Variants in ACBD6 observed in about 807,000 individuals in gnomAD.
The protein encoded by ACBD6 is acyl-CoA binding domain containing 6, also known as acyl-CoA-binding domain-containing protein 6.
In ACBD6, 28 loss-of-function variants were observed where a neutral mutation model predicts 37.2. The ratio of observed to expected loss-of-function variants is 0.75; its 90% CI spans 0.56 to 1.03. The LOEUF (loss-of-function observed/expected upper bound fraction) is 1.03. Among genes scored for constraint, ACBD6 ranks in the 50% least tolerant of loss-of-function variants. The pLI is 0.00. For missense variants in ACBD6, 340 were observed against 337.4 expected (o/e 1.01, Z -0.06); for synonymous variants, 113 against 126.8 (o/e 0.89, Z 0.73).
intron 3 of ACBD6, among the ~76,000 whole-genome samples, chr1:180,480,956 G>A (rs1313826503): frequency 2.0e-5 from 3 of 151,880 alleles, no homozygotes; most frequent in East Asian, 1.9e-4. Context: ...GCTGGAACCC[G>A]GGAGGCAGAG....
intron 3 of ACBD6, among the ~76,000 whole-genome samples, chr1:180,474,884 A>G (rs754044958): frequency 1.3e-5 from 2 of 152,226 alleles, no homozygotes; most frequent in South Asian, 4.1e-4. Context: ...TTGTCTCCCT[A>G]TAATTTACTG....
intron 7 of ACBD6, among the ~76,000 whole-genome samples, chr1:180,293,339 C>T (rs1649791154): frequency 6.7e-6 from 1 of 149,280 alleles, no homozygotes; most frequent in Non-Finnish European, 1.5e-5. Flanking sequence ...CACTCTGTTG[C>T]CCAGGCTGGA....
chr1:180,488,670 G>A (rs930464982), intron 3 of ACBD6, among the ~76,000 whole-genome samples: 4 of 152,070 alleles, frequency 2.6e-5, no homozygotes, highest in South Asian at 2.1e-4. Context: ...GAACTCCTAC[G>A]TTCAATGGAT....
intron 6 of ACBD6, among the ~76,000 whole-genome samples, chr1:180,346,899 C>A (rs1266964263): frequency 6.6e-6 from 1 of 151,990 alleles, no homozygotes; most frequent in Non-Finnish European, 1.5e-5. Flanking sequence ...ACCTGTAGTC[C>A]CAGCTACCTG....
intron 6 of ACBD6, among the ~76,000 whole-genome samples, chr1:180,336,883 T>C (rs991540669): frequency 2.9e-4 from 44 of 152,026 alleles, no homozygotes; most frequent in East Asian, 1.2e-3. Flanking sequence ...AACACCTCTA[T>C]GCAAATAAAC....
chr1:180,325,582 T>A (rs1283409288), intron 6 of ACBD6, among the ~76,000 whole-genome samples: 1 of 152,084 alleles, frequency 6.6e-6, no homozygotes, highest in Non-Finnish European at 1.5e-5. Flanking sequence ...TCTTATTTAG[T>A]TTGGTGAGGT....
chr1:180,434,832 C>T, intron 3 of ACBD6: 1 of 734,108 alleles, frequency 1.4e-6, no homozygotes, highest in Admixed American at 1.8e-5. Context: ...CCAATCTTGG[C>T]AAATCTGCCA....
intron 6 of ACBD6, among the ~76,000 whole-genome samples, chr1:180,316,546 C>A (rs115309284): frequency 6.6e-6 from 1 of 152,264 alleles, no homozygotes. Flanking sequence ...ACTATTTGTG[C>A]ATAACTTTCA....
chr1:180,385,936 G>A (rs538787335), intron 6 of ACBD6, among the ~76,000 whole-genome samples: 5 of 152,282 alleles, frequency 3.3e-5, no homozygotes, highest in African/African-American at 9.6e-5. Flanking sequence ...TTGGGAGGCC[G>A]AGGCGGGTGG....
chr1:180,347,870 C>G (rs1299363002), intron 6 of ACBD6, among the ~76,000 whole-genome samples: 1 of 151,702 alleles, frequency 6.6e-6, no homozygotes, highest in East Asian at 1.9e-4. Flanking sequence ...GAGGCTGAGG[C>G]AGGAGAATGG....
intron 4 of ACBD6, among the ~76,000 whole-genome samples, chr1:180,423,688 C>T (rs1263570405): frequency 6.6e-6 from 1 of 152,098 alleles, no homozygotes; most frequent in Non-Finnish European, 1.5e-5. Flanking sequence ...CTTATAAAGA[C>T]ACCATTTACT....
intron 6 of ACBD6, among the ~76,000 whole-genome samples, chr1:180,364,781 T>C (rs1439228680): frequency 2.0e-5 from 3 of 149,668 alleles, no homozygotes; most frequent in Non-Finnish European, 3.0e-5. Context: ...TCGCCCTGGC[T>C]GGAGTACAGT....
chr1:180,453,703 A>C (rs187746801), intron 3 of ACBD6, among the ~76,000 whole-genome samples: 400 of 152,372 alleles, frequency 2.6e-3, no homozygotes, highest in African/African-American at 9.4e-3. Context: ...GCAAAGTCTC[A>C]GGATACAAAA....
chr1:180,389,128 A>G (rs1453269954), intron 6 of ACBD6, among the ~76,000 whole-genome samples: 2 of 152,140 alleles, frequency 1.3e-5, no homozygotes, highest in Non-Finnish European at 2.9e-5. Flanking sequence ...AGCATTAGGT[A>G]TATCTCCTAA....
At chr1:180,423,392 T>C (rs1166233522) in intron 4 of ACBD6, among the ~76,000 whole-genome samples, 1 of 152,212 alleles carries the variant, frequency 6.6e-6, no homozygotes, top group Non-Finnish European at 1.5e-5. Flanking sequence ...TCCTGTCATA[T>C]GATAATGGCA....
intron 7 of ACBD6, among the ~76,000 whole-genome samples, chr1:180,291,263 G>A (rs1434700285): frequency 4.6e-5 from 7 of 152,170 alleles, no homozygotes; most frequent in Non-Finnish European, 1.0e-4. Context: ...TAGAATTGCT[G>A]AGTCATATGG....
At chr1:180,462,661 A>G (rs1285380837) in intron 3 of ACBD6, among the ~76,000 whole-genome samples, 1 of 152,246 alleles carries the variant, frequency 6.6e-6, no homozygotes, top group Non-Finnish European at 1.5e-5. Flanking sequence ...TGACAATATT[A>G]GATAGATCAC....
At chr1:180,357,064 T>C (rs950294768) in intron 6 of ACBD6, among the ~76,000 whole-genome samples, 4 of 152,174 alleles carry the variant, frequency 2.6e-5, no homozygotes, top group African/African-American at 9.7e-5. Context: ...ATTCACAAGA[T>C]ATCGACAGCA....
chr1:180,334,880 C>T (rs1651639845), intron 6 of ACBD6, among the ~76,000 whole-genome samples: 1 of 152,042 alleles, frequency 6.6e-6, no homozygotes, highest in African/African-American at 2.4e-5. Context: ...GCCTCAGTAG[C>T]CGATTCAATC....
Sources: gnomAD v4.1 joint callset for allele counts (sites outside exome capture counted in the v4.1 genomes callset) on GRCh38, gnomAD v4.1.1 for gene constraint, MANE v1.5 for transcripts, NCBI Gene and HGNC (gene_info 2026-07-23, HGNC 2026-07-21) for gene names.